DNAL1: variants seen among roughly 807,000 people sequenced by gnomAD.
DNAL1 encodes the protein chromosome 14 open reading frame 168.
In DNAL1, 17 loss-of-function variants were observed where a neutral mutation model predicts 29.4. The ratio of observed to expected loss-of-function variants is 0.58; its 90% CI spans 0.40 to 0.87. DNAL1 has a LOEUF of 0.87. Among genes scored for constraint, DNAL1 ranks in the 40% least tolerant of loss-of-function variants. DNAL1 has a pLI of 0.00. For missense variants in DNAL1, 188 were observed against 214.1 expected (o/e 0.88, Z 0.76); for synonymous variants, 78 against 76.3 (o/e 1.02, Z -0.12).
At chr14:73,649,371 C>G (rs1346537305) in intron 1 of DNAL1, among the ~76,000 whole-genome samples, 2 of 152,060 alleles carry the variant, frequency 1.3e-5, no homozygotes, top group South Asian at 2.1e-4. Flanking sequence ...CAAGCTCCGC[C>G]TCCCGGGTTC....
chr14:73,649,284 A>T (rs1171629124), intron 1 of DNAL1, among the ~76,000 whole-genome samples: 2 of 131,710 alleles, frequency 1.5e-5, no homozygotes, highest in African/African-American at 5.8e-5. Context: ...GATGTGTTTG[A>T]CATTTTTTTT....
In DNAL1 at chr14:73,696,043, G is replaced by A; in HGVS notation, c.*101G>A. Reference sequence around the variant, plus strand: ...TTTAAAGATTCTGTATGGGACAAAAGTTTCTTAAGATAAAACAGATCACTC... The same window carrying A: ...TTTAAAGATTCTGTATGGGACAAAAATTTCTTAAGATAAAACAGATCACTC... On this transcript the variant is annotated 3_prime_UTR_variant, in exon 8 of 8. Coordinates refer to ENST00000553645, the MANE Select transcript of DNAL1 (RefSeq NM_031427.4). The A allele has an allele frequency of 8.9e-7, 1 of 1,127,144 alleles. No homozygotes were observed. The highest frequency in any genetic ancestry group is 1.3e-6 in the Non-Finnish European group (1 of 798,190). The allele number at this position is 1,127,144 out of a possible 1,614,324, so 69.8% of individuals were successfully genotyped here. A position where few individuals can be genotyped will look rare whatever the true frequency, so the allele number is the denominator to read the frequency against.
At position 73,687,189 on chromosome 14, in the gene DNAL1, A is replaced by G. The variant is rs1892039793; in HGVS notation, c.265-70A>G. On this transcript the variant is annotated intron_variant, in intron 5 of 7. Coordinates refer to ENST00000553645, the MANE Select transcript of DNAL1 (RefSeq NM_031427.4). ...GTTCACTTTGGAAGCCATTATGTAT[A>G]TCTTTATAAAGAAGAAGACAGAAAG... 5.1e-6 allele frequency: 8 copies of G among 1,583,862 alleles called. No individual in the cohort carries two copies. The Admixed American group carries it at 1.4e-4, about 28-fold the overall frequency.
intron 5 of DNAL1, among the ~76,000 whole-genome samples, chr14:73,676,949 A>T (rs1306830122): frequency 6.6e-6 from 1 of 150,414 alleles, no homozygotes; most frequent in Non-Finnish European, 1.5e-5. Flanking sequence ...CCTCAACATC[A>T]GTGAGTAGTA....
chr14:73,686,642 A>G (rs1012959331), intron 5 of DNAL1, among the ~76,000 whole-genome samples: 1 of 152,128 alleles, frequency 6.6e-6, no homozygotes, highest in Non-Finnish European at 1.5e-5. Flanking sequence ...GGGGAGGTTG[A>G]GGCTGCAGTT....
At chr14:73,674,798 T>C (rs1312740364) in intron 5 of DNAL1, among the ~76,000 whole-genome samples, 1 of 152,152 alleles carries the variant, frequency 6.6e-6, no homozygotes, top group East Asian at 1.9e-4. Context: ...GGCCTCAGCC[T>C]GAGCTGAGTA....
intron 1 of DNAL1, among the ~76,000 whole-genome samples, chr14:73,651,654 G>A (rs949769229): frequency 6.6e-6 from 1 of 152,020 alleles, no homozygotes; most frequent in Non-Finnish European, 1.5e-5. Context: ...GTTTGCTTAC[G>A]ATATTTATTT....
At chr14:73,652,540 C>T (rs561336285) in intron 1 of DNAL1, among the ~76,000 whole-genome samples, 10 of 152,056 alleles carry the variant, frequency 6.6e-5, no homozygotes, top group South Asian at 2.1e-4. Flanking sequence ...CCTCCCAAAG[C>T]GCTGGGATTA....
At chr14:73,675,284 C>T (rs1004458612) in intron 5 of DNAL1, among the ~76,000 whole-genome samples, 1 of 151,882 alleles carries the variant, frequency 6.6e-6, no homozygotes, top group African/African-American at 2.4e-5. Context: ...GACAGGTTCT[C>T]ACTCTCTCAC....
At chr14:73,685,299 A>C (rs1891992097) in intron 5 of DNAL1, among the ~76,000 whole-genome samples, 1 of 152,128 alleles carries the variant, frequency 6.6e-6, no homozygotes, top group African/African-American at 2.4e-5. Context: ...CCTGGCACCC[A>C]CCATTCCACT....
chr14:73,696,952 G>A lies in DNAL1; in HGVS notation c.*1010G>A, dbSNP rs1385036612. On this transcript the variant is annotated 3_prime_UTR_variant, in exon 8 of 8. Transcript: ENST00000553645. The stretch of plus-strand genomic sequence containing the variant: ...ACAGCTCTTAAAATGTATTATGTAC[G>A]TGGTTGTGGAGGGAAGGGAGATGTT... The A allele has an allele frequency of 2.6e-5, 4 of 152,148 alleles. No individual in the cohort carries two copies. Among genetic ancestry groups the A allele is most frequent in the South Asian group, 2.1e-4 (1 of 4,830 alleles). 9.4% of individuals were successfully genotyped at this position (152,148 alleles called of 1,614,324 possible).
At chr14:73,690,384 G>A (rs1892141053) in intron 7 of DNAL1, among the ~76,000 whole-genome samples, 1 of 151,994 alleles carries the variant, frequency 6.6e-6, no homozygotes. Context: ...CAGGTGCGGT[G>A]GCTCATGCCT....
chr14:73,676,285 C>T (rs546099471), intron 5 of DNAL1, among the ~76,000 whole-genome samples: 18 of 151,660 alleles, frequency 1.2e-4, no homozygotes, highest in South Asian at 4.2e-4. Context: ...ATGTTCATTG[C>T]GAAAACAAAT....
rs1364655980 is a variant in DNAL1, at chr14:73,650,975, A to C, written c.4-3872A>C. On this transcript the variant is annotated intron_variant, in intron 1 of 7. Transcript: ENST00000553645. ...CTTTTAACATCAAATGTAGAACTTT[A>C]TCAAGTACTTTTTCCATGCTTATTG... Among the ~76,000 whole-genome samples, 3 of 147,282 alleles carry C rather than the reference A, an allele frequency of 2.0e-5. No individual in the cohort carries two copies. The East Asian group carries it at 5.8e-4, about 28-fold the overall frequency.
At chr14:73,693,636 G>T (rs7148916) in intron 7 of DNAL1, among the ~76,000 whole-genome samples, 1 of 151,816 alleles carries the variant, frequency 6.6e-6, no homozygotes, top group Admixed American at 6.6e-5. Context: ...GCTTGAGTCT[G>T]GGAGTTTGAG....
At chr14:73,647,087 G>A (rs1021193766) in intron 1 of DNAL1, among the ~76,000 whole-genome samples, 1 of 151,944 alleles carries the variant, frequency 6.6e-6, no homozygotes, top group African/African-American at 2.4e-5. Flanking sequence ...GGCAGGGCAC[G>A]GTGGCTCACA....
In DNAL1 at chr14:73,697,106, C is replaced by T. The variant is rs1489775827; in HGVS notation, c.*1164C>T. On this transcript the variant is annotated 3_prime_UTR_variant, in exon 8 of 8. Transcript: ENST00000553645. Reference sequence around the variant, plus strand: ...CAGAGGTTAGAATTTATCATGTAAACAAAAAATCCTTCAGGAAAATGTAAG... The same window carrying T: ...CAGAGGTTAGAATTTATCATGTAAATAAAAAATCCTTCAGGAAAATGTAAG... 1 of 152,044 alleles carries T rather than the reference C, an allele frequency of 6.6e-6. No individual in the cohort carries two copies. Among genetic ancestry groups the T allele is most frequent in the East Asian group, 1.9e-4 (1 of 5,192 alleles). The allele number at this position is 152,044 out of a possible 1,614,324, so 9.4% of individuals were successfully genotyped here.
chr14:73,670,544 C>T (rs1160786334), intron 4 of DNAL1, among the ~76,000 whole-genome samples: 1 of 151,916 alleles, frequency 6.6e-6, no homozygotes, highest in Non-Finnish European at 1.5e-5. Context: ...AATATATGCA[C>T]CTGGTTTTAT....
Position 73,658,901 on chromosome 14 carries a change from C to T in DNAL1, c.97C>T (p.Gln33Ter), listed in dbSNP as rs1305770518. The T allele has an allele frequency of 1.3e-6, 2 of 1,599,702 alleles. No individual in the cohort carries two copies. The highest frequency in any genetic ancestry group is 1.7e-5 in the Admixed American group (1 of 58,452). ...SEAKEIKLYA[Q>*]IPPIEKMDAS... The stretch of plus-strand genomic sequence containing the variant: ...AGCCAAAGAGATAAAACTTTATGCC[C>T]AGATTCCCCCTATAGAGAAGATGGA... The change falls in exon 3 of 8, where the codon CAG becomes TAG. Residue 33 changes from glutamine (Q) to a stop codon, truncating the protein, a stop_gained. Transcript: ENST00000553645. LOFTEE classifies it high-confidence loss of function.
Sources: allele counts gnomAD v4.1 joint callset (sites outside exome capture counted in the v4.1 genomes callset), GRCh38; gene constraint gnomAD v4.1.1; transcripts MANE v1.5; gene names NCBI Gene and HGNC (gene_info 2026-07-23, HGNC 2026-07-21).